FXR2: variants seen among roughly 807,000 people sequenced by gnomAD.
FXR2 encodes the protein RNA-binding protein FXR2.
FXR2 carries 9 observed loss-of-function variants against 87.3 expected under a neutral mutation model. The ratio of observed to expected loss-of-function variants is 0.10; its 90% CI spans 0.06 to 0.18. The LOEUF is 0.18. Among genes scored for constraint, FXR2 ranks in the 10% least tolerant of loss-of-function variants. The probability of loss-of-function intolerance (pLI) is 1.00; values close to 1 mark genes in which losing one functional copy is unlikely to be tolerated. For synonymous variants in FXR2, 331 were observed against 328.3 expected (o/e 1.01, Z -0.09); for missense variants, 661 against 893.6 (o/e 0.74, Z 3.32).
chr17:7,609,315 G>A (rs2071830194), intron 1 of FXR2, among the ~76,000 whole-genome samples: 1 of 152,128 alleles, frequency 6.6e-6, no homozygotes, highest in Admixed American at 6.6e-5. Context: ...TCCTTACGAT[G>A]GGAAAATCTA....
chr17:7,600,223 A>G lies in FXR2; in HGVS notation c.660+1186T>C, dbSNP rs148767838. On this transcript the variant is annotated intron_variant, in intron 7 of 16. Coordinates refer to ENST00000250113, the MANE Select transcript of FXR2 (RefSeq NM_004860.4). The stretch of plus-strand genomic sequence containing the variant: ...CATATCCTTTTTTTCTTTGAGACAG[A>G]GTTTCACTCTTGTCACCCAGGCTGA... 4.6e-3 allele frequency among the ~76,000 whole-genome samples: 678 copies of G among 146,362 alleles called. 2 individuals carry two copies. The highest frequency in any genetic ancestry group is 0.017 in the African/African-American group (660 of 39,082).
chr17:7,595,871 C>T lies in FXR2; in HGVS notation c.784G>A (p.Ala262Thr), dbSNP rs374642037. 5 of 1,613,716 alleles carry T rather than the reference C, an allele frequency of 3.1e-6. No homozygotes were observed. The highest frequency in any genetic ancestry group is 1.7e-5 in the Admixed American group (1 of 59,988). The part of the protein sequence containing the change: ...QQARKVPGVT[A>T]IELGEETCTF... The stretch of plus-strand genomic sequence containing the variant: ...CAGGTCTCTTCACCCAACTCAATGG[C>T]GGTCACCCCAGGTACTTTTCGGGCC... The change falls in exon 8 of 17, where the codon GCC becomes ACC. Residue 262 changes from alanine to threonine, a missense_variant. Ala to Thr is a moderately conservative substitution (Grantham distance 58). Coordinates refer to ENST00000250113, the MANE Select transcript of FXR2 (RefSeq NM_004860.4). This position sits in a 1 kb window ranked among gnomAD's most constrained non-coding sequence, Gnocchi z 4.7.
chr17:7,602,409 CA>C (rs888552647), intron 6 of FXR2, among the ~76,000 whole-genome samples: 4 of 151,350 alleles, frequency 2.6e-5, no homozygotes, highest in African/African-American at 9.7e-5. Flanking sequence ...ACTAAAAACA[CA>C]AAAAAAAATT....
At chr17:7,602,085 G>A (rs913623073) in intron 6 of FXR2, among the ~76,000 whole-genome samples, 2 of 151,966 alleles carry the variant, frequency 1.3e-5, no homozygotes, top group South Asian at 4.2e-4. Context: ...AATATCAAGA[G>A]AGGGTCTCTA....
chr17:7,603,073 A>G (rs990199158), intron 5 of FXR2, 71 bp from the exon 6 acceptor site: 15 of 767,478 alleles, frequency 2.0e-5, no homozygotes, highest in East Asian at 1.1e-4. Flanking sequence ...GAGGCTGGAC[A>G]TGGTGGTTTG....
Position 7,592,769 on chromosome 17 carries a change from G to A in FXR2, c.1654C>T (p.Arg552Cys), listed in dbSNP as rs377561745. The A allele has an allele frequency of 2.5e-5, 40 of 1,611,946 alleles. No individual in the cohort carries two copies. The highest frequency in any genetic ancestry group is 1.0e-4 in the Admixed American group (6 of 59,820). ...SARRRRSRRRRTDEDRTVMDG... is the reference protein window; with the variant it reads ...SARRRRSRRRCTDEDRTVMDG... ...ATGACGGTCCTGTCTTCATCAGTGC[G>A]GCGGCGGCGGGAGCGGCGGCGCCTG... The change falls in exon 14 of 17, where the codon CGC becomes TGC. Residue 552 changes from arginine to cysteine, a missense_variant. Physicochemically the swap from Arg to Cys is radical, Grantham distance 180. This residue lies in a region of FXR2 where 409 missense variants were observed against 432.0 expected (regional missense o/e 0.95). Transcript: ENST00000250113. The surrounding 1 kb of genome is among the most constrained non-coding windows in gnomAD (Gnocchi z 4.8).
intron 1 of FXR2, among the ~76,000 whole-genome samples, chr17:7,607,600 T>A (rs566414003): frequency 5.5e-4 from 83 of 151,920 alleles, no homozygotes; most frequent in African/African-American, 1.9e-3. Flanking sequence ...GCTAATTTTT[T>A]ATATTTTTAG....
intron 5 of FXR2, 39 bp from the exon 6 acceptor site, chr17:7,603,041 G>C (rs774554463): frequency 2.9e-6 from 3 of 1,027,840 alleles, no homozygotes; most frequent in Admixed American, 1.9e-5. Context: ...AGAATGCAGA[G>C]AGTACAGTGA....
At position 7,603,898 on chromosome 17, in the gene FXR2, A is replaced by G. The variant is rs2071780439; in HGVS notation, c.308T>C (p.Val103Ala). 6.2e-7 allele frequency: 1 copy of G among 1,613,874 alleles called. No individual in the cohort carries two copies. Among genetic ancestry groups the G allele is most frequent in the Non-Finnish European group, 8.5e-7 (1 of 1,179,880 alleles). Residue 103 changes from valine (V) to alanine (A), a missense_variant, in exon 5 of 17, where the codon GTC becomes GCC. Val to Ala is a moderately conservative substitution (Grantham distance 64, BLOSUM62 0). Coordinates refer to ENST00000250113, the MANE Select transcript of FXR2 (RefSeq NM_004860.4). ...RVRMMKGDFYVIEYAACDATY... is the reference protein window; with the variant it reads ...RVRMMKGDFYAIEYAACDATY... ...GGCATCACAGGCAGCATATTCAATG[A>G]CATAGAACTGGCACATGGTAAAAAA...
chr17:7,607,593 A>G (rs1454913114), intron 1 of FXR2, among the ~76,000 whole-genome samples: 3 of 151,486 alleles, frequency 2.0e-5, no homozygotes, highest in Non-Finnish European at 2.9e-5. Context: ...ACACCAGGCT[A>G]ATTTTTTATA....
intron 3 of FXR2, among the ~76,000 whole-genome samples, chr17:7,604,541 A>T (rs2071786873): frequency 1.3e-5 from 2 of 151,430 alleles, no homozygotes; most frequent in South Asian, 4.2e-4. Flanking sequence ...AAAATACAAA[A>T]ATTAGCCGGG....
Position 7,594,746 on chromosome 17 carries a change from A to G in FXR2, c.843T>C (p.Ala281=). 6.2e-7 allele frequency: 1 copy of G among 1,608,800 alleles called. No individual in the cohort carries two copies. Among genetic ancestry groups the G allele is most frequent in the Non-Finnish European group, 8.5e-7 (1 of 1,175,172 alleles). ...TFRIYGETPE[A]CRQARSYLEF... The stretch of plus-strand genomic sequence containing the variant: ...CAAGGTAGCTTCGGGCCTGTCGGCA[A>G]GCCTCGGGAGTCTAAAGGAAGAACA... The change falls in exon 9 of 17, where the codon GCT becomes GCC. Residue 281 remains alanine, a synonymous_variant. Transcript: ENST00000250113. This position sits in a 1 kb window ranked among gnomAD's most constrained non-coding sequence, Gnocchi z 5.1.
chr17:7,595,158 A>C lies in FXR2; in HGVS notation c.832-401T>G, dbSNP rs1395758733. 1.3e-5 allele frequency among the ~76,000 whole-genome samples: 2 copies of C among 151,928 alleles called. No individual in the cohort carries two copies. Among genetic ancestry groups the C allele is most frequent in the African/African-American group, 2.4e-5 (1 of 41,348 alleles). ...ACAAATAAATAACTTAAAAAAAAAA[A>C]CAGAGGACCTTGGCCAGGCACAGCG... On this transcript the variant is annotated intron_variant, in intron 8 of 16. Transcript: ENST00000250113. This position sits in a 1 kb window ranked among gnomAD's most constrained non-coding sequence, Gnocchi z 4.7.
rs2071681523 is a variant in FXR2, at chr17:7,593,302, T to G, written c.1330+101A>C. On this transcript the variant is annotated intron_variant, in intron 12 of 16. Transcript: ENST00000250113. This position sits in a 1 kb window ranked among gnomAD's most constrained non-coding sequence, Gnocchi z 6.1. Reference sequence around the variant, plus strand: ...GCCTCCCAGCCAATCAATCACTTTTTCATCATCTCCATTCCAGATTTCCCC... The same window carrying G: ...GCCTCCCAGCCAATCAATCACTTTTGCATCATCTCCATTCCAGATTTCCCC... The G allele has an allele frequency of 8.2e-7, 1 of 1,226,354 alleles. No homozygotes were observed. The highest frequency in any genetic ancestry group is 1.5e-5 in the African/African-American group (1 of 66,090). The allele number at this position is 1,226,354 out of a possible 1,614,324, so 76.0% of individuals were successfully genotyped here.
chr17:7,601,140 T>C (rs1056514581), intron 7 of FXR2, among the ~76,000 whole-genome samples: 2 of 150,948 alleles, frequency 1.3e-5, no homozygotes, highest in Non-Finnish European at 1.5e-5. Flanking sequence ...GATCGTGTCA[T>C]TGCACTCCAG....
Position 7,593,286 on chromosome 17 carries a change from CCAAT to C in FXR2, c.1331-109_1331-106del, listed in dbSNP as rs1255565961. The C allele has an allele frequency of 1.5e-5, 18 of 1,219,300 alleles. No homozygotes were observed. Among genetic ancestry groups the C allele is most frequent in the Non-Finnish European group, 1.9e-5 (17 of 880,968 alleles). The allele number at this position is 1,219,300 out of a possible 1,614,324, so 75.5% of individuals were successfully genotyped here. ...TCCTTCTCACTCACAAGCCTCCCAG[CCAAT>C]CAATCACTTTTTCATCATCTCCATT... is the stretch of plus-strand genomic sequence containing the variant. On this transcript the variant is annotated intron_variant, in intron 12 of 16. Coordinates refer to ENST00000250113, the MANE Select transcript of FXR2 (RefSeq NM_004860.4). The surrounding 1 kb of genome is among the most constrained non-coding windows in gnomAD (Gnocchi z 6.1).
At chr17:7,609,964 A>ATATGTATACATATACATG (rs2071841568) in intron 1 of FXR2, among the ~76,000 whole-genome samples, 1 of 106,774 alleles carries the variant, frequency 9.4e-6, no homozygotes, top group Non-Finnish European at 2.3e-5. Context: ...ACATATATAT[A>ATATGTATACATATACATG]CATGTATATG....
rs527575662 is a variant in FXR2, at chr17:7,593,023, G to C, written c.1489C>G (p.Arg497Gly). ...GAAGAATTGTATCTCGAAGTGGGCC[G>C]GGGGGCAGGTGGGGGTCCCCTACCC... ...GRGRGPPPAP[R>G]PTSRYNSSSI... The change falls in exon 13 of 17, where the codon CGG (arginine) becomes GGG (glycine). Residue 497 changes from arginine (R) to glycine (G), a missense_variant. Arg to Gly is a moderately radical substitution (Grantham distance 125). This residue lies in a region of FXR2 where 409 missense variants were observed against 432.0 expected (regional missense o/e 0.95). Coordinates refer to ENST00000250113, the MANE Select transcript of FXR2 (RefSeq NM_004860.4). The surrounding 1 kb of genome is among the most constrained non-coding windows in gnomAD (Gnocchi z 6.1). 4.4e-6 allele frequency: 7 copies of C among 1,575,236 alleles called. No individual in the cohort carries two copies. The highest frequency in any genetic ancestry group is 6.0e-6 in the Non-Finnish European group (7 of 1,163,306).
intron 1 of FXR2, 58 bp downstream of exon 1, chr17:7,614,394 T>G (rs2071918425): frequency 7.8e-7 from 1 of 1,285,126 alleles, no homozygotes; most frequent in African/African-American, 1.5e-5. Flanking sequence ...CACGCGTTCC[T>G]GCTCCGGCCA....
Sources: allele counts gnomAD v4.1 joint callset (sites outside exome capture counted in the v4.1 genomes callset), GRCh38; gene constraint gnomAD v4.1.1; regional missense constraint gnomAD v4.1.1; non-coding constraint Gnocchi (gnomAD v3.1); transcripts MANE v1.5; gene names NCBI Gene and HGNC (gene_info 2026-07-23, HGNC 2026-07-21).